PLPPR1: variants seen among roughly 807,000 people sequenced by gnomAD.
The protein encoded by PLPPR1 is phospholipid phosphatase related 1, also known as phospholipid phosphatase-related protein type 1.
PLPPR1 carries 10 observed loss-of-function variants against 33.1 expected under a neutral mutation model. The observed-to-expected ratio is 0.30, with a 90% confidence interval of 0.19 to 0.51. PLPPR1 has a LOEUF of 0.51. PLPPR1 is among the 20% of genes least tolerant of loss of function. The pLI is 0.97. For missense variants in PLPPR1, 304 were observed against 408.1 expected (o/e 0.74, Z 2.20); for synonymous variants, 151 against 151.0 (o/e 1.00, Z 0.00).
At chr9:101,277,184 A>T (rs1264220195) in intron 3 of PLPPR1, among the ~76,000 whole-genome samples, 1 of 152,240 alleles carries the variant, frequency 6.6e-6, no homozygotes, top group African/African-American at 2.4e-5. Flanking sequence ...GAAGCCTCCC[A>T]GGGAGAATAT....
intron 3 of PLPPR1, among the ~76,000 whole-genome samples, chr9:101,273,694 A>C (rs1828139159): frequency 6.6e-6 from 1 of 152,220 alleles, no homozygotes; most frequent in Non-Finnish European, 1.5e-5. Context: ...AAACATTTTC[A>C]ACTATTATTT....
intron 2 of PLPPR1, among the ~76,000 whole-genome samples, chr9:101,219,966 A>G (rs1053184172): frequency 2.6e-5 from 4 of 152,120 alleles, no homozygotes; most frequent in African/African-American, 9.7e-5. Flanking sequence ...TCATTTCCCC[A>G]TAGTATTCTG....
At chr9:101,284,991 A>G (rs13296052) in intron 3 of PLPPR1, among the ~76,000 whole-genome samples, 62,547 of 151,972 alleles carry the variant, frequency 0.41, 13,010 homozygotes, top group African/African-American at 0.48. Context: ...TGCCCCATGC[A>G]CCATCCATAT....
At chr9:101,045,332 C>G (rs957020585) in intron 1 of PLPPR1, among the ~76,000 whole-genome samples, 1 of 152,076 alleles carries the variant, frequency 6.6e-6, no homozygotes, top group Admixed American at 6.5e-5. Context: ...TAGGCACATT[C>G]CTGTTCTTTT....
At chr9:101,321,259 C>T (rs1488278788) in intron 7 of PLPPR1, among the ~76,000 whole-genome samples, 1 of 152,150 alleles carries the variant, frequency 6.6e-6, no homozygotes, top group Non-Finnish European at 1.5e-5. Context: ...GGGCATCAGT[C>T]ACGCTCGTTT....
chr9:101,051,473 C>G (rs1336246554), intron 1 of PLPPR1, among the ~76,000 whole-genome samples: 2 of 152,146 alleles, frequency 1.3e-5, no homozygotes, highest in African/African-American at 4.8e-5. Context: ...CAAGTTGCAT[C>G]AGATTTGTAG....
At chr9:101,039,863 T>C (rs989497573) in intron 1 of PLPPR1, among the ~76,000 whole-genome samples, 1 of 150,026 alleles carries the variant, frequency 6.7e-6, no homozygotes, top group Admixed American at 6.7e-5. Flanking sequence ...ATGGGAATTG[T>C]GGGAATTACA....
chr9:101,320,141 T>C (rs1829127665), intron 7 of PLPPR1, among the ~76,000 whole-genome samples: 1 of 152,222 alleles, frequency 6.6e-6, no homozygotes, highest in East Asian at 1.9e-4. Context: ...TAGATATTAA[T>C]TCATTGTTTA....
At chr9:101,171,490 T>C (rs1825940296) in intron 1 of PLPPR1, among the ~76,000 whole-genome samples, 1 of 152,152 alleles carries the variant, frequency 6.6e-6, no homozygotes, top group Non-Finnish European at 1.5e-5. Flanking sequence ...AGGGCTGCAT[T>C]GTGGATCTAG....
chr9:101,258,691 G>C (rs922671052), intron 2 of PLPPR1, among the ~76,000 whole-genome samples: 3 of 152,124 alleles, frequency 2.0e-5, no homozygotes, highest in Non-Finnish European at 4.4e-5. Context: ...ACTTTCTCAT[G>C]CATAGCATGT....
At chr9:101,072,454 T>C (rs530659779) in intron 1 of PLPPR1, among the ~76,000 whole-genome samples, 2 of 152,254 alleles carry the variant, frequency 1.3e-5, no homozygotes, top group South Asian at 4.1e-4. Context: ...TTCAGCTAAC[T>C]GCAAGGAAGG....
chr9:101,234,893 G>C (rs973614593), intron 2 of PLPPR1, among the ~76,000 whole-genome samples: 2 of 151,746 alleles, frequency 1.3e-5, no homozygotes, highest in Admixed American at 6.6e-5. Flanking sequence ...CTTACTTTTT[G>C]CTGTTTCTTA....
At chr9:101,236,133 T>C (rs531398835) in intron 2 of PLPPR1, among the ~76,000 whole-genome samples, 1 of 151,854 alleles carries the variant, frequency 6.6e-6, no homozygotes, top group South Asian at 2.1e-4. Context: ...CCTTCTAGTA[T>C]TCTCTCCATC....
rs1165755026 is a variant in PLPPR1, at chr9:101,309,062, G to T, written c.386-149G>T. ...TTTGGAAGAAATGGTGATTTGGGAA[G>T]CAGGTACCACTCCTGGAAAGATACT... On this transcript the variant is annotated intron_variant, in intron 4 of 7. Coordinates refer to ENST00000374874, the MANE Select transcript of PLPPR1 (RefSeq NM_207299.2). 12 of 733,050 alleles carry T rather than the reference G, an allele frequency of 1.6e-5. No homozygotes were observed. The South Asian group carries it at 1.9e-4, about 12-fold the overall frequency. The allele number at this position is 733,050 out of a possible 1,614,324, so 45.4% of individuals were successfully genotyped here.
intron 1 of PLPPR1, among the ~76,000 whole-genome samples, chr9:101,108,960 ATTT>A (rs5899429): frequency 1.5e-5 from 2 of 136,782 alleles, no homozygotes; most frequent in Non-Finnish European, 3.1e-5. Flanking sequence ...GTCTTCAATA[ATTT>A]TTTTTTTTTT....
intron 1 of PLPPR1, among the ~76,000 whole-genome samples, chr9:101,117,180 A>G (rs1226136177): frequency 6.6e-6 from 1 of 152,166 alleles, no homozygotes; most frequent in Non-Finnish European, 1.5e-5. Context: ...GCTGAGACCT[A>G]CTAGGCTGCA....
At chr9:101,079,825 G>C (rs1588019519) in intron 1 of PLPPR1, among the ~76,000 whole-genome samples, 1 of 152,128 alleles carries the variant, frequency 6.6e-6, no homozygotes, top group East Asian at 1.9e-4. Context: ...TGATCCACCT[G>C]CCTCAGCCTC....
At chr9:101,109,786 A>G (rs1054854396) in intron 1 of PLPPR1, among the ~76,000 whole-genome samples, 7 of 152,176 alleles carry the variant, frequency 4.6e-5, no homozygotes, top group Non-Finnish European at 8.8e-5. Context: ...AGTTTGGAGT[A>G]TTTGAGTACG....
chr9:101,173,569 A>C (rs934963760), intron 1 of PLPPR1, among the ~76,000 whole-genome samples: 2 of 152,004 alleles, frequency 1.3e-5, no homozygotes, highest in African/African-American at 4.8e-5. Flanking sequence ...CCCTGAGGTA[A>C]TTTTCAGATT....
Sources: gnomAD v4.1 joint callset for allele counts (sites outside exome capture counted in the v4.1 genomes callset) on GRCh38, gnomAD v4.1.1 for gene constraint, MANE v1.5 for transcripts, NCBI Gene and HGNC (gene_info 2026-07-23, HGNC 2026-07-21) for gene names.